SMG6: variants seen among roughly 807,000 people sequenced by gnomAD.
SMG6 encodes SMG6 nonsense mediated mRNA decay factor, also known as telomerase-binding protein EST1A.
In SMG6, 66 loss-of-function variants were observed where a neutral mutation model predicts 142.2. That is an observed-to-expected ratio of 0.46 (90% CI 0.38 to 0.57). The LOEUF is 0.57. Ranked by LOEUF, SMG6 falls within the 20% of genes least tolerant of loss-of-function variation. SMG6 has a pLI of 0.00. For synonymous variants in SMG6, 779 were observed against 702.4 expected (o/e 1.11, Z -1.72); for missense variants, 1,793 against 1,832.0 (o/e 0.98, Z 0.39).
intron 18 of SMG6, chr17:2,063,341 T>C (rs2067840367): frequency 6.6e-6 from 1 of 152,260 alleles, no homozygotes; most frequent in African/African-American, 2.4e-5. Flanking sequence ...CGTTTACACA[T>C]AAACATTTAG....
intron 15 of SMG6, among the ~76,000 whole-genome samples, chr17:2,077,260 C>T (rs1299664778): frequency 6.6e-6 from 1 of 152,142 alleles, no homozygotes; most frequent in Non-Finnish European, 1.5e-5. Context: ...AGTGCACAGA[C>T]AATGTGGGAA....
chr17:2,105,974 G>A (rs1202855733), intron 13 of SMG6, among the ~76,000 whole-genome samples: 3 of 152,318 alleles, frequency 2.0e-5, no homozygotes, highest in East Asian at 3.9e-4. Flanking sequence ...GCTCCCTCCT[G>A]ATACTTGGCA....
chr17:2,165,321 T>C (rs932130021), intron 13 of SMG6, among the ~76,000 whole-genome samples: 1 of 151,376 alleles, frequency 6.6e-6, no homozygotes, highest in African/African-American at 2.4e-5. Context: ...GAGCGATAGC[T>C]CTGATACAGC....
intron 13 of SMG6, among the ~76,000 whole-genome samples, chr17:2,159,717 C>T (rs918295117): frequency 5.3e-5 from 8 of 152,238 alleles, no homozygotes; most frequent in African/African-American, 1.7e-4. Flanking sequence ...AAAACCTGTA[C>T]ATTAATGTTC....
rs979464251 is a variant in SMG6 at position 2,079,059 on chromosome 17, G to A, written c.3681+2751C>T. On this transcript the variant is annotated intron_variant, in intron 15 of 18. Coordinates refer to ENST00000263073, the MANE Select transcript of SMG6 (RefSeq NM_017575.5). ...GCTCACTGTAACCTCCGCCTCCTGG[G>A]TTCAAGAGATTCTCCTGCCTCAGCC... 1.9e-4 allele frequency among the ~76,000 whole-genome samples: 29 copies of A among 152,012 alleles called. 2 individuals are homozygous for A.
chr17:2,282,876 CACATT>C lies in SMG6; in HGVS notation c.2449-22_2449-18del. On this transcript the variant is annotated intron_variant, in intron 7 of 18. Transcript: ENST00000263073. ...CTGTTCTGCCTATATAACATACAAA[CACATT>C]AGCTCATGGCCTGGTGTGGTGGCTC... The C allele has an allele frequency of 3.7e-6, 6 of 1,612,266 alleles. No individual in the cohort carries two copies. Among genetic ancestry groups the C allele is most frequent in the South Asian group, 1.1e-5 (1 of 91,056 alleles).
chr17:2,232,291 T>A (rs2073519345), intron 10 of SMG6, among the ~76,000 whole-genome samples: 1 of 152,180 alleles, frequency 6.6e-6, no homozygotes, highest in Non-Finnish European at 1.5e-5. Flanking sequence ...TAGGTCACCC[T>A]CCGGCACCAC....
At chr17:2,126,523 G>C (rs867392559) in intron 13 of SMG6, among the ~76,000 whole-genome samples, 1 of 151,644 alleles carries the variant, frequency 6.6e-6, no homozygotes, top group Admixed American at 6.6e-5. Flanking sequence ...GTCAGGAGTT[G>C]AGACCAGACT....
In SMG6 at chr17:2,236,561, T is replaced by C. The variant is rs907071899; in HGVS notation, c.2800A>G (p.Ile934Val). ...AGCTGCAGCATGCGGGTACTTCCAA[T>C]GGGAGAGGGGCTGTGCTGCAGTAAC... ...QVLLQHSPSP[I>V]GSTRMLQLMT... The change falls in exon 10 of 19, where the codon ATT becomes GTT. Residue 934 changes from isoleucine (I) to valine (V), a missense_variant. Ile to Val is a conservative substitution (Grantham distance 29). Around this residue, in one of 3 missense-constraint regions of SMG6, gnomAD observed 1,597 missense variants for 1,584.6 expected, o/e 1.01. Coordinates refer to ENST00000263073, the MANE Select transcript of SMG6 (RefSeq NM_017575.5). 3.1e-6 allele frequency: 5 copies of C among 1,613,652 alleles called. No homozygotes were observed. The highest frequency in any genetic ancestry group is 4.2e-6 in the Non-Finnish European group (5 of 1,179,902).
At chr17:2,084,123 G>A (rs1225593747) in intron 14 of SMG6, among the ~76,000 whole-genome samples, 2 of 152,248 alleles carry the variant, frequency 1.3e-5, no homozygotes, top group Non-Finnish European at 2.9e-5. Flanking sequence ...TGCCTCACTG[G>A]ATTTGGGACT....
intron 8 of SMG6, among the ~76,000 whole-genome samples, chr17:2,250,196 C>T (rs2074016160): frequency 6.6e-6 from 1 of 152,052 alleles, no homozygotes; most frequent in Admixed American, 6.6e-5. Flanking sequence ...TGAAACAGGC[C>T]CAATTTCAGT....
intron 13 of SMG6, among the ~76,000 whole-genome samples, chr17:2,169,423 A>G (rs1047537615): frequency 6.6e-6 from 1 of 152,188 alleles, no homozygotes; most frequent in Non-Finnish European, 1.5e-5. Flanking sequence ...ATAGATACTC[A>G]GGAGATGTTA....
chr17:2,257,087 CTTTTTTT>C (rs561017088), intron 8 of SMG6, among the ~76,000 whole-genome samples: 1 of 134,768 alleles, frequency 7.4e-6, no homozygotes, highest in African/African-American at 2.7e-5. Flanking sequence ...GGGATTCTTC[CTTTTTTT>C]TTTTTTTTTG....
chr17:2,183,545 G>A (rs1183365170), intron 12 of SMG6, among the ~76,000 whole-genome samples: 1 of 152,104 alleles, frequency 6.6e-6, no homozygotes, highest in East Asian at 1.9e-4. Flanking sequence ...TCTGTAATGT[G>A]AAATCAGCCA....
In SMG6 at chr17:2,061,475, G is replaced by GGC. The variant is rs2067774434; in HGVS notation, c.*16_*17insGC. On this transcript the variant is annotated 3_prime_UTR_variant, in exon 19 of 19. Transcript: ENST00000263073. ...TCAGGAACGGTTCCACGGGGGGGGGGCCCCAGTGTGGCTCCCTCAGCCCAC... is the reference window on the plus strand; with the variant it reads ...TCAGGAACGGTTCCACGGGGGGGGGGGCCCCCAGTGTGGCTCCCTCAGCCCAC... 6.4e-7 allele frequency: 1 copy of GGC among 1,565,314 alleles called. No individual in the cohort carries two copies. Among genetic ancestry groups the GGC allele is most frequent in the Non-Finnish European group, 8.6e-7 (1 of 1,156,798 alleles).
chr17:2,184,012 T>G lies in SMG6; in HGVS notation c.3155+2651A>C, dbSNP rs948320286. On this transcript the variant is annotated intron_variant, in intron 12 of 18. Transcript: ENST00000263073. ...AACACAGACATTCAGGAACACATAC[T>G]CACAGACCCAGACACAGACACAGAC... Among the ~76,000 whole-genome samples, 5 of 151,920 alleles carry G rather than the reference T, an allele frequency of 3.3e-5. No homozygotes were observed. The East Asian group carries it at 9.6e-4, about 29-fold the overall frequency.
intron 10 of SMG6, among the ~76,000 whole-genome samples, chr17:2,194,747 G>A (rs115445778): frequency 6.6e-6 from 1 of 152,160 alleles, no homozygotes; most frequent in African/African-American, 2.4e-5. Context: ...AAAGAGGCTG[G>A]AGATAATGCT....
chr17:2,152,759 C>CT (rs1285860876), intron 13 of SMG6, among the ~76,000 whole-genome samples: 1 of 152,236 alleles, frequency 6.6e-6, no homozygotes, highest in Non-Finnish European at 1.5e-5. Context: ...AAACAGTTTG[C>CT]TGGTCTCTAG....
chr17:2,216,327 A>G (rs767491984), intron 10 of SMG6, among the ~76,000 whole-genome samples: 5 of 151,952 alleles, frequency 3.3e-5, no homozygotes, highest in Non-Finnish European at 7.4e-5. Context: ...CTTCAGAGGG[A>G]GAGAGAGAGG....
Sources: allele counts gnomAD v4.1 joint callset (sites outside exome capture counted in the v4.1 genomes callset), GRCh38; gene constraint gnomAD v4.1.1; regional missense constraint gnomAD v4.1.1; transcripts MANE v1.5; gene names NCBI Gene and HGNC (gene_info 2026-07-23, HGNC 2026-07-21).